Variants in TDRD5 observed in about 807,000 individuals in gnomAD.
TDRD5 encodes the protein tudor domain-containing protein 5.
In TDRD5, 41 loss-of-function variants were observed where a neutral mutation model predicts 120.6. The observed-to-expected ratio is 0.34, with a 90% CI of 0.26 to 0.44. The LOEUF (loss-of-function observed/expected upper bound fraction) is 0.44. Among genes scored for constraint, TDRD5 ranks in the 20% least tolerant of loss-of-function variants. The probability of loss-of-function intolerance (pLI) is 1.00; values close to 1 mark genes in which losing one functional copy is unlikely to be tolerated. For synonymous variants in TDRD5, 430 were observed against 433.7 expected, an observed-to-expected ratio of 0.99 and a Z score of 0.11; for missense variants, 1,006 against 1,221.2, an observed-to-expected ratio of 0.82 and a Z score of 2.63.
Position 179,593,859 on chromosome 1 carries a change from G to C in TDRD5, c.632G>C (p.Cys211Ser). The change falls in exon 3 of 18, where the codon TGT becomes TCT. Residue 211 changes from cysteine to serine, a missense_variant. This residue lies in a region of TDRD5 where 445 missense variants were observed against 515.5 expected (regional missense o/e 0.86). Transcript: ENST00000444136. ...KSVTEEKPRG[C>S]PAGKIFTQPF... ...GTAACAGAGGAAAAGCCGAGAGGAT[G>C]TCCAGCAGGTACGCATGTGAGCAAA... 6.2e-7 allele frequency: 1 copy of C among 1,612,606 alleles called. No individual in the cohort carries two copies. The highest frequency in any genetic ancestry group is 8.5e-7 in the Non-Finnish European group (1 of 1,178,910).
At chr1:179,654,798 G>A (rs2102072875) in intron 14 of TDRD5, among the ~76,000 whole-genome samples, 1 of 152,062 alleles carries the variant, frequency 6.6e-6, no homozygotes, top group African/African-American at 2.4e-5. Flanking sequence ...GTAAAAAAAT[G>A]TGTTCATAGT....
intron 3 of TDRD5, among the ~76,000 whole-genome samples, chr1:179,594,516 A>G (rs1429753679): frequency 1.3e-5 from 2 of 152,264 alleles, no homozygotes; most frequent in Non-Finnish European, 2.9e-5. Context: ...ATTGCTGCCC[A>G]TCCAGTGAAT....
chr1:179,635,475 A>C (rs1361639335), intron 8 of TDRD5, among the ~76,000 whole-genome samples, 192 bp from the exon 9 acceptor site: 4 of 152,314 alleles, frequency 2.6e-5, no homozygotes, highest in Admixed American at 1.3e-4. Flanking sequence ...GAATTTATTT[A>C]AATGCATAAT....
Position 179,663,466 on chromosome 1 carries a change from A to T in TDRD5, c.2624A>T (p.Asn875Ile). 6.2e-7 allele frequency: 1 copy of T among 1,613,266 alleles called. No individual in the cohort carries two copies. The highest frequency in any genetic ancestry group is 8.5e-7 in the Non-Finnish European group (1 of 1,179,766). Residue 875 changes from asparagine to isoleucine, a missense_variant, in exon 16 of 18, where the codon AAT becomes ATT. By Grantham distance (149) the Asn-to-Ile change is moderately radical. Around this residue, in one of 3 missense-constraint regions of TDRD5, gnomAD observed 403 missense variants for 448.1 expected, o/e 0.90. Coordinates refer to ENST00000444136, the MANE Select transcript of TDRD5 (RefSeq NM_001199085.3). ...KPEVLGAQEK[N>I]TGTNRTQKQL... ...GAAGTACTGGGTGCTCAGGAAAAAA[A>T]TACTGGCACAAACAGGACTCAAAAG...
At chr1:179,649,189 T>C (rs533877313) in intron 11 of TDRD5, among the ~76,000 whole-genome samples, 41 of 152,260 alleles carry the variant, frequency 2.7e-4, no homozygotes, top group Middle Eastern at 6.8e-3. Flanking sequence ...GTGGTGTGTT[T>C]ATGTGTGAAT....
intron 17 of TDRD5, among the ~76,000 whole-genome samples, chr1:179,672,674 C>G (rs1274685487): frequency 6.6e-6 from 1 of 152,112 alleles, no homozygotes; most frequent in African/African-American, 2.4e-5. Flanking sequence ...TTTGCCTAAG[C>G]CAATGTCTAG....
chr1:179,646,809 AACAG>A (rs1321187341), intron 11 of TDRD5, among the ~76,000 whole-genome samples: 1 of 152,096 alleles, frequency 6.6e-6, no homozygotes, highest in Non-Finnish European at 1.5e-5. Context: ...ATACACCAAC[AACAG>A]ACAGAGAGCC....
intron 17 of TDRD5, among the ~76,000 whole-genome samples, chr1:179,670,057 A>G (rs935405342): frequency 1.3e-5 from 2 of 152,216 alleles, no homozygotes; most frequent in African/African-American, 4.8e-5. Flanking sequence ...ACATTTGCAC[A>G]TAGCTCTTTC....
Position 179,672,652 on chromosome 1 carries a change from GATC to G in TDRD5, c.2860+3251_2860+3253del. Among the ~76,000 whole-genome samples the G allele has an allele frequency of 2.0e-5, 3 of 152,158 alleles. No individual in the cohort carries two copies. In the Middle Eastern group the frequency reaches 0.01, roughly 518 times the overall value. On this transcript the variant is annotated intron_variant, in intron 17 of 17. Transcript: ENST00000444136. ...TTGTTGAATTTGCTTCTGGGTTCTT[GATC>G]ATGAATTATTTGCCTAAGCCAATGT... is the stretch of plus-strand genomic sequence containing the variant.
chr1:179,664,288 CT>C (rs201768771), intron 16 of TDRD5, among the ~76,000 whole-genome samples: 6 of 150,926 alleles, frequency 4.0e-5, no homozygotes, highest in East Asian at 1.9e-4. Context: ...TTTCTCTTGT[CT>C]TTTTTTTTAA....
rs1558424245 is a variant in TDRD5 at position 179,675,284 on chromosome 1, T to TATTTA, written c.2860+5880_2860+5881insATTTA. Among the ~76,000 whole-genome samples, 39 of 128,118 alleles carry TATTTA rather than the reference T, an allele frequency of 3.0e-4. 2 individuals are homozygous for TATTTA. The highest frequency in any genetic ancestry group is 1.0e-3 in the African/African-American group (34 of 33,360). 84.1% of individuals were successfully genotyped at this position (128,118 alleles called of 152,430 possible). A position where few individuals can be genotyped will look rare whatever the true frequency, so the allele number is the denominator to read the frequency against. On this transcript the variant is annotated intron_variant, in intron 17 of 17. Transcript: ENST00000444136. ...TTATTATTATTATTATTTTTTTTTT[T>TATTTA]TTTTTTTTTTTTTGAGACGGAGTCT...
At chr1:179,606,838 T>C (rs1260521392) in intron 4 of TDRD5, among the ~76,000 whole-genome samples, 1 of 152,134 alleles carries the variant, frequency 6.6e-6, no homozygotes, top group African/African-American at 2.4e-5. Context: ...ACTATTTGGT[T>C]ACTGTAGCTT....
intron 11 of TDRD5, among the ~76,000 whole-genome samples, chr1:179,646,640 A>G (rs1310306816): frequency 2.0e-5 from 3 of 151,842 alleles, no homozygotes; most frequent in South Asian, 4.2e-4. Context: ...AGGGTATTCA[A>G]TTAGGAAAAG....
At chr1:179,657,501 G>C (rs913206874) in intron 14 of TDRD5, among the ~76,000 whole-genome samples, 11 of 152,026 alleles carry the variant, frequency 7.2e-5, no homozygotes, top group Non-Finnish European at 1.5e-4. Context: ...GTGATTTTCT[G>C]TATCAGTAAT....
chr1:179,661,053 A>G (rs1679287670), intron 14 of TDRD5, among the ~76,000 whole-genome samples: 1 of 152,130 alleles, frequency 6.6e-6, no homozygotes, highest in Admixed American at 6.5e-5. Context: ...AGTAATTGAA[A>G]TTGTTCTTCC....
chr1:179,685,357 T>G (rs1052959764), intron 17 of TDRD5, among the ~76,000 whole-genome samples: 16 of 152,282 alleles, frequency 1.1e-4, no homozygotes, highest in African/African-American at 3.8e-4. Flanking sequence ...TGGTTATAGA[T>G]GTGTGGTATT....
intron 17 of TDRD5, among the ~76,000 whole-genome samples, chr1:179,671,567 G>A (rs1679854780): frequency 1.3e-5 from 2 of 151,304 alleles, no homozygotes; most frequent in South Asian, 4.2e-4. Context: ...AAAAACCTAG[G>A]ACAAATTATA....
At chr1:179,685,358 G>A (rs1379223329) in intron 17 of TDRD5, among the ~76,000 whole-genome samples, 2 of 152,102 alleles carry the variant, frequency 1.3e-5, no homozygotes, top group Non-Finnish European at 2.9e-5. Flanking sequence ...GGTTATAGAT[G>A]TGTGGTATTA....
chr1:179,682,997 C>T (rs1239955782), intron 17 of TDRD5, among the ~76,000 whole-genome samples: 1 of 149,908 alleles, frequency 6.7e-6, no homozygotes, highest in Non-Finnish European at 1.5e-5. Flanking sequence ...AAGGAGACCT[C>T]TCAGCAGATC....
Sources: allele counts gnomAD v4.1 joint callset (sites outside exome capture counted in the v4.1 genomes callset), GRCh38; gene constraint gnomAD v4.1.1; regional missense constraint gnomAD v4.1.1; transcripts MANE v1.5; gene names NCBI Gene and HGNC (gene_info 2026-07-23, HGNC 2026-07-21).